ADGRL3: variants seen among roughly 807,000 people sequenced by gnomAD.
ADGRL3 encodes calcium-independent alpha-latrotoxin receptor 3.
A neutral mutation model predicts 153.5 loss-of-function variants in ADGRL3; 62 were observed. The ratio of observed to expected loss-of-function variants is 0.40; its 90% CI spans 0.33 to 0.50. ADGRL3 has a LOEUF of 0.50. Ranked by LOEUF, ADGRL3 falls within the 20% of genes least tolerant of loss-of-function variation. The pLI is 0.47. For missense variants in ADGRL3, 1,641 were observed against 1,859.4 expected (o/e 0.88, Z 2.16); for synonymous variants, 710 against 672.5 (o/e 1.06, Z -0.86).
intron 17 of ADGRL3, among the ~76,000 whole-genome samples, chr4:61,956,962 G>A (rs1442665817): frequency 1.3e-5 from 2 of 152,080 alleles, no homozygotes; most frequent in Admixed American, 1.3e-4. Flanking sequence ...TTTGAAGTCA[G>A]GTAGCATGAT....
intron 8 of ADGRL3, among the ~76,000 whole-genome samples, chr4:61,798,811 G>T (rs1296389859): frequency 6.6e-6 from 1 of 150,800 alleles, no homozygotes; most frequent in Non-Finnish European, 1.5e-5. Context: ...TAGAGACAGG[G>T]TTTCGCCATG....
intron 6 of ADGRL3, among the ~76,000 whole-genome samples, chr4:61,691,760 A>T (rs2095544063): frequency 6.6e-6 from 1 of 152,166 alleles, no homozygotes; most frequent in African/African-American, 2.4e-5. Flanking sequence ...TAAGCTCTTG[A>T]GATATTCTAC....
chr4:61,991,865 T>C (rs1457584828), intron 19 of ADGRL3, among the ~76,000 whole-genome samples: 2 of 148,472 alleles, frequency 1.3e-5, no homozygotes, highest in African/African-American at 4.9e-5. Flanking sequence ...AATCTTGCCA[T>C]ATATATATAA....
intron 2 of ADGRL3, among the ~76,000 whole-genome samples, chr4:61,429,982 G>T (rs1043317915): frequency 1.3e-5 from 2 of 151,998 alleles, no homozygotes; most frequent in African/African-American, 4.8e-5. Context: ...GGCTTAAGTG[G>T]CCCTAATGAA....
At chr4:61,891,324 T>C (rs146802852) in intron 9 of ADGRL3, among the ~76,000 whole-genome samples, 1 of 152,272 alleles carries the variant, frequency 6.6e-6, no homozygotes, top group Non-Finnish European at 1.5e-5. Flanking sequence ...TGCCTTCTTG[T>C]ATGAAATTTG....
At chr4:62,026,754 A>G (rs762787685) in intron 21 of ADGRL3, among the ~76,000 whole-genome samples, 2 of 152,010 alleles carry the variant, frequency 1.3e-5, no homozygotes, top group Non-Finnish European at 2.9e-5. Flanking sequence ...AGGTAATAAA[A>G]TTGTATTGTG....
At chr4:61,391,683 A>G (rs1300614504) in intron 2 of ADGRL3, among the ~76,000 whole-genome samples, 2 of 150,388 alleles carry the variant, frequency 1.3e-5, no homozygotes, top group African/African-American at 4.9e-5. Context: ...TCCAGTTTCT[A>G]TTTATTTCTA....
chr4:61,567,009 A>T (rs1290442846), intron 4 of ADGRL3, among the ~76,000 whole-genome samples: 1 of 152,194 alleles, frequency 6.6e-6, no homozygotes, highest in East Asian at 1.9e-4. Context: ...ATGATAAGGA[A>T]GTGGATTTCT....
intron 4 of ADGRL3, among the ~76,000 whole-genome samples, chr4:61,584,384 T>C (rs1437570451): frequency 1.3e-5 from 2 of 151,940 alleles, no homozygotes; most frequent in Non-Finnish European, 2.9e-5. Context: ...CATGGAAAAT[T>C]TGGACCCCGA....
chr4:62,016,036 T>C (rs868185364), intron 21 of ADGRL3, among the ~76,000 whole-genome samples: 9 of 151,904 alleles, frequency 5.9e-5, no homozygotes, highest in South Asian at 2.1e-4. Context: ...TTTTCTTTTT[T>C]CTTTTCTTTT....
intron 4 of ADGRL3, among the ~76,000 whole-genome samples, chr4:61,567,497 G>A (rs1208047039): frequency 2.0e-5 from 3 of 152,140 alleles, no homozygotes; most frequent in Non-Finnish European, 4.4e-5. Context: ...TACCACGTGA[G>A]GTCACAGCTA....
chr4:61,370,403 G>A (rs2096496568), intron 1 of ADGRL3, among the ~76,000 whole-genome samples: 1 of 151,640 alleles, frequency 6.6e-6, no homozygotes, highest in Non-Finnish European at 1.5e-5. Context: ...TGCTTTGAAT[G>A]TGTCCCAGAG....
At chr4:61,282,973 C>G (rs898663012) in intron 1 of ADGRL3, among the ~76,000 whole-genome samples, 2 of 152,124 alleles carry the variant, frequency 1.3e-5, no homozygotes, top group East Asian at 3.9e-4. Flanking sequence ...TGTGAAGACC[C>G]TCCTCTTAAT....
chr4:61,267,389 T>C (rs1162564687), intron 1 of ADGRL3, among the ~76,000 whole-genome samples: 1 of 151,682 alleles, frequency 6.6e-6, no homozygotes, highest in Non-Finnish European at 1.5e-5. Context: ...TGTACCATCA[T>C]TGAGCTCAGA....
rs1239847345 is a variant in ADGRL3 at position 61,374,227 on chromosome 4, ATAAC to A, written c.-239-8894_-239-8891del. Among the ~76,000 whole-genome samples the A allele has an allele frequency of 1.7e-4, 26 of 152,328 alleles. No individual in the cohort carries two copies. The East Asian group carries it at 4.2e-3, about 25-fold the overall frequency. Reference sequence around the variant, plus strand: ...CTGCAGATGTTTGCATTTGAATAGTATAACTATTTCCAAAGTTCTTTCTGTTTTC... The same window carrying A: ...CTGCAGATGTTTGCATTTGAATAGTATATTTCCAAAGTTCTTTCTGTTTTC... On this transcript the variant is annotated intron_variant, in intron 1 of 26. Transcript: ENST00000683033.
intron 17 of ADGRL3, among the ~76,000 whole-genome samples, chr4:61,960,623 A>T (rs1330362087): frequency 6.6e-6 from 1 of 152,232 alleles, no homozygotes; most frequent in Non-Finnish European, 1.5e-5. Flanking sequence ...ACTGAGAAGG[A>T]AACTTCAGCC....
At chr4:61,939,309 A>AT in intron 15 of ADGRL3, among the ~76,000 whole-genome samples, 1 of 152,190 alleles carries the variant, frequency 6.6e-6, no homozygotes. Context: ...GGAATTTGAC[A>AT]GTTGTACATA....
chr4:61,575,984 GCC>G (rs1361664241), intron 4 of ADGRL3, among the ~76,000 whole-genome samples: 3 of 151,928 alleles, frequency 2.0e-5, no homozygotes, highest in Admixed American at 6.6e-5. Context: ...TGCTTTACGT[GCC>G]CTGTGTCATT....
intron 1 of ADGRL3, among the ~76,000 whole-genome samples, chr4:61,337,433 G>A (rs1402189429): frequency 1.3e-5 from 2 of 152,104 alleles, no homozygotes; most frequent in African/African-American, 4.8e-5. Context: ...ATGAAGAAAT[G>A]CAACATGCTT....
Sources: allele counts gnomAD v4.1 joint callset (sites outside exome capture counted in the v4.1 genomes callset), GRCh38; gene constraint gnomAD v4.1.1; transcripts MANE v1.5; gene names NCBI Gene and HGNC (gene_info 2026-07-23, HGNC 2026-07-21).